The following PIAS2 variants were observed in gnomAD, a reference collection of about 807,000 sequenced individuals.
The protein encoded by PIAS2 is E3 SUMO-protein ligase PIAS2.
Under a neutral mutation model 69.7 loss-of-function variants are expected in PIAS2, and 19 were observed. That is an observed-to-expected ratio of 0.27 (90% confidence interval 0.19 to 0.40). PIAS2 has a LOEUF of 0.40. PIAS2 is among the 10% of genes least tolerant of loss of function. PIAS2 has a pLI of 1.00. For missense variants in PIAS2, 624 were observed against 757.0 expected (o/e 0.82, Z 2.06); for synonymous variants, 261 against 263.2 (o/e 0.99, Z 0.08).
At chr18:46,831,366 TAAAC>T (rs2043591543) in intron 9 of PIAS2, among the ~76,000 whole-genome samples, 1 of 152,050 alleles carries the variant, frequency 6.6e-6, no homozygotes, top group African/African-American at 2.4e-5. Context: ...TTGAGACAAA[TAAAC>T]AGAAAGATAC....
At chr18:46,915,781 T>C (rs1434858024) in intron 1 of PIAS2, among the ~76,000 whole-genome samples, 2 of 151,314 alleles carry the variant, frequency 1.3e-5, no homozygotes, top group African/African-American at 4.9e-5. Context: ...TCCTGGAAAG[T>C]TTTCATTAAC....
At chr18:46,900,869 G>A (rs912881670) in intron 1 of PIAS2, among the ~76,000 whole-genome samples, 21 of 152,206 alleles carry the variant, frequency 1.4e-4, no homozygotes, top group Non-Finnish European at 1.9e-4. Flanking sequence ...AGCTGCTCAG[G>A]AGGCTGAGGC....
At position 46,807,383 on chromosome 18, in the gene PIAS2, A is replaced by ATAT. The variant is rs869149927; in HGVS notation, c.*5049_*5050insATA. ...TATATATATATATATATATATATAT[A>ATAT]TTTTTTTTTTTTTTTTTTTTTTTTT... is the stretch of plus-strand genomic sequence containing the variant. On this transcript the variant is annotated 3_prime_UTR_variant, in exon 14 of 14. Transcript: ENST00000585916. 3 of 11,600 alleles carry ATAT rather than the reference A, an allele frequency of 2.6e-4. 1 individual carries two copies. Among genetic ancestry groups the ATAT allele is most frequent in the Admixed American group, 1.2e-3 (1 of 838 alleles). 0.7% of individuals were successfully genotyped at this position (11,600 alleles called of 1,614,324 possible).
At position 46,906,526 on chromosome 18, in the gene PIAS2, T is replaced by C. The variant is rs565594826; in HGVS notation, c.24+10796A>G. Among the ~76,000 whole-genome samples the C allele has an allele frequency of 2.1e-3, 319 of 152,252 alleles. 2 individuals are homozygous for C. Among genetic ancestry groups the C allele is most frequent in the Middle Eastern group, 3.4e-3 (1 of 294 alleles). ...TCTGTGCACCAGCAAAGTATAATTA[T>C]AAAAAGTTAATATTTATGATTTGCT... On this transcript the variant is annotated intron_variant, in intron 1 of 13. Coordinates refer to ENST00000585916, the MANE Select transcript of PIAS2 (RefSeq NM_004671.5).
Position 46,890,758 on chromosome 18 carries a change from A to G in PIAS2, c.321T>C (p.Thr107=), listed in dbSNP as rs116350989. Residue 107 remains threonine (T), a synonymous_variant, in exon 2 of 14, where the codon ACT becomes ACC. Transcript: ENST00000585916. ...AGGATGGTGAGTGAGGTGTAACTGA[A>G]GTGGAAGGCAACGAGTGGATTCCAG... ...AVAGIHSLPS[T]SVTPHSPSSP... is the part of the protein sequence containing the mutation. 3.4e-4 allele frequency: 544 copies of G among 1,614,214 alleles called. No homozygotes were observed. Among genetic ancestry groups the G allele is most frequent in the Non-Finnish European group, 4.4e-4 (522 of 1,180,050 alleles).
rs890360613 is a variant in PIAS2, at chr18:46,847,780, C to A, written c.727-939G>T. On this transcript the variant is annotated intron_variant, in intron 5 of 13. Coordinates refer to ENST00000585916, the MANE Select transcript of PIAS2 (RefSeq NM_004671.5). ...TACAGGCGTGAGCCACAGTGCCCGG[C>A]CAACTGTTCGTTTTAAATAGCAAGT... 3.3e-5 allele frequency among the ~76,000 whole-genome samples: 5 copies of A among 152,190 alleles called. No homozygotes were observed. In the East Asian group the frequency reaches 7.7e-4, roughly 23 times the overall value.
At position 46,836,483 on chromosome 18, in the gene PIAS2, G is replaced by A; in HGVS notation, c.1076C>T (p.Ala359Val). ...ACACTGCAGATGTGTACAAGTCACT[G>A]CACGGCATGGGATTGTCAGCCTCAT... is the stretch of plus-strand genomic sequence containing the variant. ...GKMRLTIPCR[A>V]VTCTHLQCFD... The change falls in exon 9 of 14, where the codon GCA (alanine) becomes GTA (valine). Residue 359 changes from alanine to valine, a missense_variant. Ala to Val is a moderately conservative substitution (Grantham distance 64, BLOSUM62 0). Around this residue, in one of 3 missense-constraint regions of PIAS2, gnomAD observed 44 missense variants for 90.9 expected, o/e 0.48. Transcript: ENST00000585916. 1 of 1,613,418 alleles carries A rather than the reference G, an allele frequency of 6.2e-7. No homozygotes were observed. The highest frequency in any genetic ancestry group is 8.5e-7 in the Non-Finnish European group (1 of 1,179,548).
intron 2 of PIAS2, among the ~76,000 whole-genome samples, chr18:46,869,680 G>A (rs901361990): frequency 6.6e-6 from 1 of 152,172 alleles, no homozygotes; most frequent in Non-Finnish European, 1.5e-5. Flanking sequence ...GAGGGACAGT[G>A]AAAGGACTAA....
At chr18:46,894,585 A>G (rs1324993569) in intron 1 of PIAS2, among the ~76,000 whole-genome samples, 2 of 152,246 alleles carry the variant, frequency 1.3e-5, no homozygotes, top group African/African-American at 4.8e-5. Flanking sequence ...TAATTGTGTA[A>G]AAAGATACGT....
At position 46,917,351 on chromosome 18, in the gene PIAS2, AC is replaced by A; in HGVS notation, c.-7del. On this transcript the variant is annotated 5_prime_UTR_variant, in exon 1 of 14. An upstream open reading frame in the 5' UTR gains an earlier in-frame stop. Coordinates refer to ENST00000585916, the MANE Select transcript of PIAS2 (RefSeq NM_004671.5). ...AACTCTTCGAAATCCGCCATTTTAT[AC>A]CACCCGCGGGCGCCGCCGCCGCTGC... 1 of 1,465,466 alleles carries A rather than the reference AC, an allele frequency of 6.8e-7. No homozygotes were observed. Among genetic ancestry groups the A allele is most frequent in the Non-Finnish European group, 9.1e-7 (1 of 1,103,774 alleles). 90.8% of individuals were successfully genotyped at this position (1,465,466 alleles called of 1,614,324 possible).
intron 2 of PIAS2, among the ~76,000 whole-genome samples, 168 bp downstream of exon 2, chr18:46,890,412 T>C (rs1162618867): frequency 5.9e-5 from 9 of 152,254 alleles, no homozygotes; most frequent in African/African-American, 2.2e-4. Context: ...GAAATAAAGC[T>C]TCTATTAGAT....
At chr18:46,862,634 T>G (rs2048833897) in intron 3 of PIAS2, among the ~76,000 whole-genome samples, 1 of 152,102 alleles carries the variant, frequency 6.6e-6, no homozygotes, top group African/African-American at 2.4e-5. Flanking sequence ...CATATATACA[T>G]ACATATATAT....
At chr18:46,852,245 G>T (rs893142556) in intron 5 of PIAS2, among the ~76,000 whole-genome samples, 3 of 152,138 alleles carry the variant, frequency 2.0e-5, no homozygotes, top group African/African-American at 4.8e-5. Flanking sequence ...CATCAGATGC[G>T]CATGTGAATT....
chr18:46,856,167 G>C (rs897317346), intron 3 of PIAS2, among the ~76,000 whole-genome samples: 1 of 151,538 alleles, frequency 6.6e-6, no homozygotes, highest in East Asian at 1.9e-4. Flanking sequence ...CACCACGCCC[G>C]GCTAATTTTA....
At chr18:46,875,800 A>G (rs1490891135) in intron 2 of PIAS2, among the ~76,000 whole-genome samples, 1 of 152,234 alleles carries the variant, frequency 6.6e-6, no homozygotes, top group African/African-American at 2.4e-5. Context: ...ACCGCAGGCC[A>G]GAGGCCCAGA....
intron 12 of PIAS2, chr18:46,815,922 A>G: frequency 1.0e-6 from 1 of 985,434 alleles, no homozygotes; most frequent in Non-Finnish European, 1.2e-6. Flanking sequence ...TTCTGAGCTA[A>G]TGTAATTTTC....
intron 1 of PIAS2, among the ~76,000 whole-genome samples, chr18:46,892,939 A>G (rs2054283566): frequency 1.3e-5 from 2 of 152,080 alleles, no homozygotes; most frequent in African/African-American, 2.4e-5. Flanking sequence ...TATCTGGTGT[A>G]TATTTTACAC....
intron 8 of PIAS2, 162 bp downstream of exon 8, chr18:46,843,892 A>G: frequency 6.3e-6 from 3 of 477,138 alleles, no homozygotes; most frequent in Non-Finnish European, 7.6e-6. Flanking sequence ...ATGCCCAAAT[A>G]ATACAAAGAA....
At chr18:46,881,923 C>A (rs2052333949) in intron 2 of PIAS2, among the ~76,000 whole-genome samples, 1 of 152,158 alleles carries the variant, frequency 6.6e-6, no homozygotes, top group Non-Finnish European at 1.5e-5. Flanking sequence ...ATGGTGAAAC[C>A]CTGTCTCTAC....
Sources: allele counts gnomAD v4.1 joint callset (sites outside exome capture counted in the v4.1 genomes callset), GRCh38; gene constraint gnomAD v4.1.1; regional missense constraint gnomAD v4.1.1; transcripts MANE v1.5; gene names NCBI Gene and HGNC (gene_info 2026-07-23, HGNC 2026-07-21).